GSDME: variants seen among roughly 807,000 people sequenced by gnomAD.
GSDME encodes gasdermin-E.
GSDME carries 44 observed loss-of-function variants against 47.5 expected under a neutral mutation model. That is an observed-to-expected ratio of 0.93 (90% CI 0.73 to 1.19). The LOEUF is 1.19. GSDME is among the 50% of genes most tolerant of loss of function. The probability of loss-of-function intolerance (pLI) is 0.00; values close to 1 mark genes in which losing one functional copy is unlikely to be tolerated. For missense variants in GSDME, 663 were observed against 604.2 expected, an observed-to-expected ratio of 1.10 and a Z score of -1.02; for synonymous variants, 258 against 252.8, an observed-to-expected ratio of 1.02 and a Z score of -0.20.
chr7:24,787,840 G>A, the GSDME span, among the ~76,000 whole-genome samples: 1 of 152,130 alleles, frequency 6.6e-6, no homozygotes, highest in African/African-American at 2.4e-5. The surrounding 1 kb of genome is among the most constrained non-coding windows in gnomAD (Gnocchi z 5.0). Flanking sequence ...CTGAGTAGCT[G>A]GGATTACAGG....
At chr7:24,715,055 G>C (rs1789496221) in intron 5 of GSDME, among the ~76,000 whole-genome samples, 1 of 152,224 alleles carries the variant, frequency 6.6e-6, no homozygotes, top group African/African-American at 2.4e-5. Flanking sequence ...TCTCCCATTT[G>C]TGCCAACCTC....
intron 6 of GSDME, among the ~76,000 whole-genome samples, chr7:24,708,920 T>C (rs878986733): frequency 1.3e-5 from 2 of 152,194 alleles, no homozygotes; most frequent in Non-Finnish European, 2.9e-5. Context: ...GTTTGTTTGT[T>C]TGTTTTTAAG....
chr7:24,700,713 A>G, intron 9 of GSDME, among the ~76,000 whole-genome samples: 1 of 152,224 alleles, frequency 6.6e-6, no homozygotes, highest in East Asian at 1.9e-4. Context: ...CGTTACCATT[A>G]GGCTCAGACT....
rs1788734496 is a variant in GSDME at position 24,698,685 on chromosome 7, T to C, written c.*341A>G. 8.3e-6 allele frequency: 3 copies of C among 362,164 alleles called. No individual in the cohort carries two copies. The highest frequency in any genetic ancestry group is 4.1e-5 in the Admixed American group (1 of 24,484). 22.4% of individuals were successfully genotyped at this position (362,164 alleles called of 1,614,324 possible). A position where few individuals can be genotyped will look rare whatever the true frequency, so the allele number is the denominator to read the frequency against. On this transcript the variant is annotated 3_prime_UTR_variant, in exon 10 of 10. Coordinates refer to ENST00000645220, the MANE Select transcript of GSDME (RefSeq NM_001127453.2). The stretch of plus-strand genomic sequence containing the variant: ...TTTTGGATTAAAGGGTCAGACTCTT[T>C]CTATGTAACAAAAAGTGGAATGCAA...
Position 24,741,955 on chromosome 7 carries a change from T to TA in GSDME, c.404+2606dup, listed in dbSNP as rs1334597037. Among the ~76,000 whole-genome samples the TA allele has an allele frequency of 2.6e-5, 4 of 152,152 alleles. No homozygotes were observed. In the East Asian group the frequency reaches 7.7e-4, roughly 29 times the overall value. On this transcript the variant is annotated intron_variant, in intron 3 of 9. Coordinates refer to ENST00000645220, the MANE Select transcript of GSDME (RefSeq NM_001127453.2). ...TAACAAGGGTGAGGTGATTCTGTGA[T>TA]AAAACTCCTCTTTGGGTTCTAGTCC...
chr7:24,757,034 G>T lies in GSDME; in HGVS notation c.-20+362C>A, dbSNP rs1349438589. Among the ~76,000 whole-genome samples the T allele has an allele frequency of 6.6e-6, 1 of 152,124 alleles. No individual in the cohort carries two copies. The highest frequency in any genetic ancestry group is 1.5e-5 in the Non-Finnish European group (1 of 68,004). On this transcript the variant is annotated intron_variant, in intron 1 of 9. Transcript: ENST00000645220. This position sits in a 1 kb window ranked among gnomAD's most constrained non-coding sequence, Gnocchi z 5.9. ...AAAGGATGAACGAATGGGGAGGGGG[G>T]GTTTGGGGGGTTGGGAGAACGAAAA...
At chr7:24,769,626 G>A in the GSDME span, among the ~76,000 whole-genome samples, 2 of 152,010 alleles carry the variant, frequency 1.3e-5, no homozygotes, top group African/African-American at 2.4e-5. Context: ...ACTATAGAAC[G>A]CCTCCCCCAG....
intron 9 of GSDME, among the ~76,000 whole-genome samples, chr7:24,699,746 T>A (rs1022444858): frequency 1.3e-5 from 2 of 152,198 alleles, no homozygotes; most frequent in Non-Finnish European, 2.9e-5. Context: ...CTATCCAATT[T>A]GTCTAGTGTC....
chr7:24,751,778 A>C (rs866546355), intron 1 of GSDME, among the ~76,000 whole-genome samples: 1 of 152,230 alleles, frequency 6.6e-6, no homozygotes, highest in Non-Finnish European at 1.5e-5. Context: ...CAACTGAATC[A>C]TTCACTAATT....
At chr7:24,783,067 C>A in the GSDME span, among the ~76,000 whole-genome samples, 1 of 152,202 alleles carries the variant, frequency 6.6e-6, no homozygotes, top group Non-Finnish European at 1.5e-5. Flanking sequence ...CTGCATTATC[C>A]TGTTGTACTC....
At chr7:24,783,085 T>A in the GSDME span, among the ~76,000 whole-genome samples, 1 of 152,232 alleles carries the variant, frequency 6.6e-6, no homozygotes, top group Admixed American at 6.5e-5. Flanking sequence ...CTCTCACATG[T>A]CATGTAGCTT....
In GSDME at chr7:24,728,595, C is replaced by T. The variant is rs146686109; in HGVS notation, c.405-9377G>A. Among the ~76,000 whole-genome samples, 28 of 152,280 alleles carry T rather than the reference C, an allele frequency of 1.8e-4. 1 individual carries two copies. The highest frequency in any genetic ancestry group is 1.0e-3 in the South Asian group (5 of 4,826). ...CTTCCTGGGCCCTGCATACAGAAGGCGCTTAATGCATGCTTGATTGTTAAA... is the reference window on the plus strand; with the variant it reads ...CTTCCTGGGCCCTGCATACAGAAGGTGCTTAATGCATGCTTGATTGTTAAA... On this transcript the variant is annotated intron_variant, in intron 3 of 9. Coordinates refer to ENST00000645220, the MANE Select transcript of GSDME (RefSeq NM_001127453.2). This position sits in a 1 kb window ranked among gnomAD's most constrained non-coding sequence, Gnocchi z 7.2.
At chr7:24,707,942 A>G (rs181690589) in intron 7 of GSDME, 185 bp downstream of exon 7, 409 of 664,788 alleles carry the variant, frequency 6.2e-4, no homozygotes, top group Non-Finnish European at 8.5e-4. Flanking sequence ...GGAAATTAAC[A>G]CCTCCCTCCA....
intron 3 of GSDME, among the ~76,000 whole-genome samples, chr7:24,741,075 C>A (rs1375198551): frequency 6.6e-6 from 1 of 152,142 alleles, no homozygotes; most frequent in Non-Finnish European, 1.5e-5. Context: ...TCTAGTCCAA[C>A]TATCTCACCT....
At chr7:24,752,420 C>T (rs555767229) in intron 1 of GSDME, among the ~76,000 whole-genome samples, 1 of 152,288 alleles carries the variant, frequency 6.6e-6, no homozygotes, top group South Asian at 2.1e-4. Context: ...GAAAAATCTT[C>T]TAGAAGCAAA....
In GSDME at chr7:24,744,731, TCA is replaced by T; in HGVS notation, c.233_234del (p.Val78GlufsTer75). On this transcript the variant is annotated frameshift_variant, in exon 3 of 10. Coordinates refer to ENST00000645220, the MANE Select transcript of GSDME (RefSeq NM_001127453.2). LOFTEE classifies it high-confidence loss of function. The surrounding 1 kb of genome is among the most constrained non-coding windows in gnomAD (Gnocchi z 4.5). ...PSPVVVESDF[V>X]KYEGKFANHV... ...TGGTTTGCAAACTTGCCCTCGTATT[TCA>T]CAAAGTCCGACTCCACGACCACTGG... is the stretch of plus-strand genomic sequence containing the variant. 1.2e-6 allele frequency: 2 copies of T among 1,614,066 alleles called. No individual in the cohort carries two copies. Among genetic ancestry groups the T allele is most frequent in the Non-Finnish European group, 1.7e-6 (2 of 1,180,016 alleles).
Position 24,712,962 on chromosome 7 carries a change from G to C in GSDME, c.698-2574C>G, listed in dbSNP as rs1216622357. 6.6e-6 allele frequency among the ~76,000 whole-genome samples: 1 copy of C among 150,726 alleles called. No homozygotes were observed. The highest frequency in any genetic ancestry group is 1.5e-5 in the Non-Finnish European group (1 of 67,924). On this transcript the variant is annotated intron_variant, in intron 5 of 9. Coordinates refer to ENST00000645220, the MANE Select transcript of GSDME (RefSeq NM_001127453.2). The surrounding 1 kb of genome is among the most constrained non-coding windows in gnomAD (Gnocchi z 4.4). ...GAACCTGGGAGGCGGAGGTTGTGGTGAGCCAAGATCGCACCATTGTACTCC... is the reference window on the plus strand; with the variant it reads ...GAACCTGGGAGGCGGAGGTTGTGGTCAGCCAAGATCGCACCATTGTACTCC...
intron 3 of GSDME, among the ~76,000 whole-genome samples, chr7:24,727,918 T>A (rs1268046596): frequency 6.6e-6 from 1 of 152,166 alleles, no homozygotes; most frequent in Non-Finnish European, 1.5e-5. Context: ...GCAGGAACTG[T>A]CCCCAGCATC....
chr7:24,701,349 C>G (rs1351729167), intron 9 of GSDME, among the ~76,000 whole-genome samples: 1 of 152,156 alleles, frequency 6.6e-6, no homozygotes, highest in Non-Finnish European at 1.5e-5. Context: ...ATTCTGAACT[C>G]CGAATGTGTT....
Sources: gnomAD v4.1 joint callset for allele counts (sites outside exome capture counted in the v4.1 genomes callset) on GRCh38, gnomAD v4.1.1 for gene constraint, Gnocchi (gnomAD v3.1) non-coding constraint, MANE v1.5 for transcripts, NCBI Gene and HGNC (gene_info 2026-07-23, HGNC 2026-07-21) for gene names.